Variants in DYM observed in about 807,000 individuals in gnomAD.
The protein encoded by DYM is dyggve-Melchior-Clausen syndrome protein.
A neutral mutation model predicts 93.1 loss-of-function variants in DYM; 78 were observed. That is an observed-to-expected ratio of 0.84 (90% CI 0.70 to 1.01). The LOEUF (loss-of-function observed/expected upper bound fraction) is 1.01. DYM is among the 50% of genes least tolerant of loss of function. DYM has a pLI of 0.00. For missense variants in DYM, 789 were observed against 845.0 expected (o/e 0.93, Z 0.82); for synonymous variants, 321 against 319.7 (o/e 1.00, Z -0.04).
intron 2 of DYM, among the ~76,000 whole-genome samples, chr18:49,412,763 A>C (rs758650942): frequency 6.6e-6 from 1 of 152,236 alleles, no homozygotes; most frequent in Non-Finnish European, 1.5e-5. Context: ...ACAGGCATCA[A>C]AGATTCAAAG....
At chr18:49,170,855 A>C (rs995004962) in intron 14 of DYM, among the ~76,000 whole-genome samples, 6 of 151,432 alleles carry the variant, frequency 4.0e-5, no homozygotes, top group Non-Finnish European at 7.4e-5. Context: ...AGAGGCCAGA[A>C]AGGGTCACTT....
At chr18:49,145,297 T>C (rs1036386539) in intron 15 of DYM, among the ~76,000 whole-genome samples, 3 of 151,664 alleles carry the variant, frequency 2.0e-5, no homozygotes, top group African/African-American at 7.3e-5. Flanking sequence ...ATTTTTTCAA[T>C]TGTGTCTTTA....
intron 13 of DYM, among the ~76,000 whole-genome samples, chr18:49,213,456 C>T (rs906547618): frequency 6.6e-6 from 1 of 152,142 alleles, no homozygotes; most frequent in African/African-American, 2.4e-5. Context: ...GCTGGGACTA[C>T]AGGCGCATGC....
Position 49,338,752 on chromosome 18 carries a change from T to C in DYM, c.495-4899A>G, listed in dbSNP as rs113313215. ...TACACCTTACAACATACTCAAGACC[T>C]ACTACAGAAGACTTAATGACTTAGA... On this transcript the variant is annotated intron_variant, in intron 6 of 17. Coordinates refer to ENST00000675505, the MANE Select transcript of DYM (RefSeq NM_001353214.3). Among the ~76,000 whole-genome samples the C allele has an allele frequency of 3.3e-4, 50 of 152,280 alleles. 1 individual carries two copies. Among genetic ancestry groups the C allele is most frequent in the African/African-American group, 1.1e-3 (44 of 41,544 alleles).
chr18:49,385,454 G>A (rs577436465), intron 3 of DYM, among the ~76,000 whole-genome samples: 5 of 152,146 alleles, frequency 3.3e-5, no homozygotes, highest in African/African-American at 7.2e-5. Context: ...CCAGCACTTC[G>A]AAGGCCAAGG....
At chr18:49,163,152 A>G (rs2087395824) in intron 15 of DYM, among the ~76,000 whole-genome samples, 1 of 152,148 alleles carries the variant, frequency 6.6e-6, no homozygotes, top group Non-Finnish European at 1.5e-5. Context: ...TTAATTATGT[A>G]CAAATTATTG....
intron 16 of DYM, among the ~76,000 whole-genome samples, chr18:49,111,992 G>A (rs1678313191): frequency 6.6e-6 from 1 of 152,106 alleles, no homozygotes; most frequent in Admixed American, 6.5e-5. Context: ...CCCTGGGGCT[G>A]CGACAGTTTC....
chr18:49,405,108 G>T (rs2071325799), intron 2 of DYM, among the ~76,000 whole-genome samples: 1 of 151,462 alleles, frequency 6.6e-6, no homozygotes, highest in Admixed American at 6.6e-5. Flanking sequence ...GTTTTTGCTT[G>T]TTGAACTGTT....
At chr18:49,211,445 T>C (rs529230896) in intron 13 of DYM, among the ~76,000 whole-genome samples, 13 of 152,332 alleles carry the variant, frequency 8.5e-5, no homozygotes, top group African/African-American at 3.1e-4. Flanking sequence ...CTATTATTAG[T>C]CCTTGAGAAT....
At chr18:49,411,747 T>C (rs1182730391) in intron 2 of DYM, among the ~76,000 whole-genome samples, 1 of 152,170 alleles carries the variant, frequency 6.6e-6, no homozygotes, top group Non-Finnish European at 1.5e-5. Flanking sequence ...ATAAAATTCT[T>C]TCAAAACTGA....
intron 8 of DYM, among the ~76,000 whole-genome samples, chr18:49,323,835 T>C (rs757389441): frequency 2.6e-5 from 4 of 152,212 alleles, no homozygotes; most frequent in Admixed American, 6.5e-5. Context: ...GTAAGGGTCT[T>C]CAGTCATTTG....
chr18:49,101,695 C>CAT (rs1169159196), intron 16 of DYM, among the ~76,000 whole-genome samples: 1 of 152,056 alleles, frequency 6.6e-6, no homozygotes, highest in Non-Finnish European at 1.5e-5. Flanking sequence ...ATGTAAAATA[C>CAT]ATATATATTT....
intron 10 of DYM, among the ~76,000 whole-genome samples, chr18:49,277,851 T>C (rs1490962082): frequency 6.6e-6 from 1 of 152,244 alleles, no homozygotes; most frequent in East Asian, 1.9e-4. Context: ...AAGCCAGAAC[T>C]GACTAAGACA....
chr18:49,044,018 T>A lies in DYM; in HGVS notation c.*37A>T. ...GAAATAAAAGAACTTGAAGGGCTGC[T>A]TGGCTGGAGGGGTCCGGGTGGGAGA... On this transcript the variant is annotated 3_prime_UTR_variant, in exon 18 of 18. Coordinates refer to ENST00000675505, the MANE Select transcript of DYM (RefSeq NM_001353214.3). 6.2e-7 allele frequency: 1 copy of A among 1,611,520 alleles called. No individual in the cohort carries two copies. The highest frequency in any genetic ancestry group is 8.5e-7 in the Non-Finnish European group (1 of 1,179,482).
At chr18:49,193,620 A>T (rs1374492954) in intron 14 of DYM, among the ~76,000 whole-genome samples, 1 of 152,244 alleles carries the variant, frequency 6.6e-6, no homozygotes, top group East Asian at 1.9e-4. Context: ...AAATAGAAGA[A>T]GCTATCTACT....
intron 3 of DYM, among the ~76,000 whole-genome samples, chr18:49,387,908 G>A (rs1214866898): frequency 6.6e-6 from 1 of 151,624 alleles, no homozygotes; most frequent in African/African-American, 2.4e-5. Flanking sequence ...ATAAAATAGG[G>A]GAAATAGCTG....
chr18:49,363,254 AT>A (rs3840892), intron 5 of DYM, 21 bp from the exon 6 acceptor site: 134 of 1,572,730 alleles, frequency 8.5e-5, no homozygotes, highest in Non-Finnish European at 1.0e-4. Flanking sequence ...ACATAAAAAG[AT>A]TTTTTTTTAA....
intron 1 of DYM, among the ~76,000 whole-genome samples, chr18:49,454,470 G>A (rs141303411): frequency 0.011 from 1,656 of 152,222 alleles, 30 homozygotes; most frequent in African/African-American, 0.038. Flanking sequence ...ACAGGATGGT[G>A]CCAATCAACT....
intron 1 of DYM, among the ~76,000 whole-genome samples, chr18:49,436,214 CT>C (rs2080849478): frequency 6.6e-6 from 1 of 152,102 alleles, no homozygotes; most frequent in Non-Finnish European, 1.5e-5. Context: ...GGGCGTCTTG[CT>C]ATGTTGCTGA....
Sources: gnomAD v4.1 joint callset for allele counts (sites outside exome capture counted in the v4.1 genomes callset) on GRCh38, gnomAD v4.1.1 for gene constraint, MANE v1.5 for transcripts, NCBI Gene and HGNC (gene_info 2026-07-23, HGNC 2026-07-21) for gene names.